WASHC5: variants seen among roughly 807,000 people sequenced by gnomAD.
WASHC5 encodes the protein WASH complex subunit strumpellin.
In WASHC5, 101 loss-of-function variants were observed where a neutral mutation model predicts 150.4. That is an observed-to-expected ratio of 0.67 (90% CI 0.57 to 0.79). The LOEUF is 0.79. Ranked by LOEUF, WASHC5 falls within the 30% of genes least tolerant of loss-of-function variation. The probability of loss-of-function intolerance (pLI) is 0.00; values close to 1 mark genes in which losing one functional copy is unlikely to be tolerated. For missense variants in WASHC5, 1,195 were observed against 1,396.3 expected (o/e 0.86, Z 2.30); for synonymous variants, 467 against 491.2 (o/e 0.95, Z 0.65).
At chr8:125,058,816 G>A (rs1389046272) in intron 14 of WASHC5, among the ~76,000 whole-genome samples, 1 of 152,078 alleles carries the variant, frequency 6.6e-6, no homozygotes, top group African/African-American at 2.4e-5. Context: ...TGTGCCTGTT[G>A]TTCACCAATA....
At chr8:125,028,384 G>A (rs962374512) in intron 28 of WASHC5, among the ~76,000 whole-genome samples, 2 of 152,172 alleles carry the variant, frequency 1.3e-5, no homozygotes, top group Non-Finnish European at 2.9e-5. Context: ...TTGCTGACAG[G>A]AGTACATGGT....
At chr8:125,042,514 C>T (rs932719117) in intron 23 of WASHC5, among the ~76,000 whole-genome samples, 5 of 152,124 alleles carry the variant, frequency 3.3e-5, no homozygotes, top group South Asian at 2.1e-4. Context: ...ATCACTGACT[C>T]GGTCACAGTC....
intron 25 of WASHC5, among the ~76,000 whole-genome samples, chr8:125,037,656 G>T (rs556629625): frequency 6.6e-6 from 1 of 152,270 alleles, no homozygotes; most frequent in Admixed American, 6.5e-5. Context: ...AAGGCAAAAT[G>T]AAGAGCAGTT....
intron 11 of WASHC5, among the ~76,000 whole-genome samples, 159 bp downstream of exon 11, chr8:125,063,363 C>A (rs1197719373): frequency 6.6e-6 from 1 of 152,136 alleles, no homozygotes; most frequent in East Asian, 1.9e-4. Context: ...TAGACGCAGC[C>A]AAAACTAACC....
rs772529893 is a variant in WASHC5, at chr8:125,076,343, C to G, written c.864+5G>C. On this transcript the variant is annotated splice_donor_5th_base_variant and intron_variant, in intron 7 of 28. Coordinates refer to ENST00000318410, the MANE Select transcript of WASHC5 (RefSeq NM_014846.4). Reference sequence around the variant, plus strand: ...CTGTAGAGGAAAAAAATTAGCAATACTTGCCCAATTATCTGGAAAGTATTT... The same window carrying G: ...CTGTAGAGGAAAAAAATTAGCAATAGTTGCCCAATTATCTGGAAAGTATTT... 1.4e-5 allele frequency: 22 copies of G among 1,613,604 alleles called. No homozygotes were observed. Among genetic ancestry groups the G allele is most frequent in the Non-Finnish European group, 1.9e-5 (22 of 1,179,752 alleles).
rs368495548 is a variant in WASHC5, at chr8:125,073,194, T to C, written c.1109A>G (p.Asn370Ser). 43 of 1,614,036 alleles carry C rather than the reference T, an allele frequency of 2.7e-5. No homozygotes were observed. Among genetic ancestry groups the C allele is most frequent in the South Asian group, 1.4e-4 (13 of 91,090 alleles). The part of the protein sequence containing the change: ...PKLLNCLRDC[N>S]VAIRWLMLHT... ...AAGCATCAGCCATCGGATGGCAACATTGCAGTCTCTCAGGCAGTTCAGAAG... is the reference window on the plus strand; with the variant it reads ...AAGCATCAGCCATCGGATGGCAACACTGCAGTCTCTCAGGCAGTTCAGAAG... The change falls in exon 9 of 29, where the codon AAT (asparagine) becomes AGT (serine). Residue 370 changes from asparagine to serine, a missense_variant. Around this residue, in one of 3 missense-constraint regions of WASHC5, gnomAD observed 997 missense variants for 1,168.1 expected, o/e 0.85. Transcript: ENST00000318410.
At chr8:125,081,878 C>T (rs1444416902) in intron 4 of WASHC5, 117 bp from the exon 5 acceptor site, 71 of 730,380 alleles carry the variant, frequency 9.7e-5, no homozygotes, top group Non-Finnish European at 1.7e-4. Context: ...TTTTAGATTT[C>T]AAGGAAAAGG....
rs76692062 is a variant in WASHC5, at chr8:125,088,734, G to T, written c.-125+2881C>A. Among the ~76,000 whole-genome samples the T allele has an allele frequency of 1.1e-4, 16 of 152,242 alleles. No homozygotes were observed. The East Asian group carries it at 3.1e-3, about 29-fold the overall frequency. Reference sequence around the variant, plus strand: ...ACTGCAATGTTCTAAAAGCCCCAGAGCCAAAGGCAGCCAGCTATGCCCTAC... The same window carrying T: ...ACTGCAATGTTCTAAAAGCCCCAGATCCAAAGGCAGCCAGCTATGCCCTAC... On this transcript the variant is annotated intron_variant, in intron 1 of 28. Transcript: ENST00000318410.
chr8:125,049,108 CTGTATGTATTCAAAAGA>C lies in WASHC5; in HGVS notation c.2260_2276del (p.Ser754GlyfsTer28). 1 of 1,613,844 alleles carries C rather than the reference CTGTATGTATTCAAAAGA, an allele frequency of 6.2e-7. No homozygotes were observed. The highest frequency in any genetic ancestry group is 8.5e-7 in the Non-Finnish European group (1 of 1,179,854). On this transcript the variant is annotated frameshift_variant, in exon 19 of 29. Transcript: ENST00000318410. LOFTEE classifies it high-confidence loss of function. ...TCAGACCATAAATGTTGACATAGTC[CTGTATGTATTCAAAAGA>C]ACGATGGAATCCATCCATGGTCGCT...
At chr8:125,058,719 T>C (rs2130094822) in intron 14 of WASHC5, among the ~76,000 whole-genome samples, 1 of 146,018 alleles carries the variant, frequency 6.8e-6, no homozygotes, top group East Asian at 2.0e-4. Context: ...CGAGATTCCA[T>C]CTCAAAAAAA....
At chr8:125,049,219 T>A in intron 18 of WASHC5, 34 bp from the exon 19 acceptor site, 1 of 1,604,956 alleles carries the variant, frequency 6.2e-7, no homozygotes, top group Admixed American at 1.7e-5. Context: ...GCTCTTACAC[T>A]GGAGTAGATT....
intron 24 of WASHC5, 100 bp from the exon 25 acceptor site, chr8:125,039,059 C>A (rs1815805100): frequency 7.7e-7 from 1 of 1,291,406 alleles, no homozygotes; most frequent in Non-Finnish European, 1.1e-6. Flanking sequence ...GCCTCAGTTT[C>A]CTCATCTGTA....
chr8:125,061,924 T>A (rs1816606690), intron 11 of WASHC5, among the ~76,000 whole-genome samples: 2 of 152,138 alleles, frequency 1.3e-5, no homozygotes, highest in Admixed American at 1.3e-4. Flanking sequence ...GGTGACACGG[T>A]GACTAAATGG....
Position 125,044,099 on chromosome 8 carries a change from A to G in WASHC5, c.2668-5T>C, listed in dbSNP as rs768752924. 3 of 1,574,832 alleles carry G rather than the reference A, an allele frequency of 1.9e-6. No individual in the cohort carries two copies. The highest frequency in any genetic ancestry group is 2.7e-5 in the African/African-American group (2 of 74,164). On this transcript the variant is annotated splice_polypyrimidine_tract_variant and splice_region_variant and intron_variant, in intron 21 of 28. Transcript: ENST00000318410. ...CTGAAACATACTGAGGAAATTCTAA[A>G]AACAAGAAGGCACGGTCAAAGAACC...
chr8:125,034,675 C>T (rs1292480300), intron 26 of WASHC5, among the ~76,000 whole-genome samples: 1 of 152,148 alleles, frequency 6.6e-6, no homozygotes, highest in African/African-American at 2.4e-5. Context: ...CCTCAGGTCC[C>T]ATATTTGACT....
At chr8:125,089,356 C>A (rs1328818929) in intron 1 of WASHC5, among the ~76,000 whole-genome samples, 1 of 152,036 alleles carries the variant, frequency 6.6e-6, no homozygotes, top group Admixed American at 6.6e-5. Flanking sequence ...TGTCTTGAGC[C>A]ACACATAAAA....
chr8:125,075,189 G>A, intron 7 of WASHC5, 78 bp from the exon 8 acceptor site: 1 of 879,436 alleles, frequency 1.1e-6, no homozygotes, highest in Non-Finnish European at 1.9e-6. Context: ...AGTTATAGAA[G>A]GCAATACCCA....
intron 10 of WASHC5, among the ~76,000 whole-genome samples, chr8:125,065,766 G>A (rs966915958): frequency 2.6e-5 from 4 of 151,894 alleles, no homozygotes; most frequent in African/African-American, 7.3e-5. Context: ...ACAGGCACGC[G>A]CCACTGCACC....
intron 17 of WASHC5, among the ~76,000 whole-genome samples, chr8:125,054,945 ATT>A (rs34923893): frequency 0.11 from 16,400 of 146,284 alleles, 2,073 homozygotes; most frequent in African/African-American, 0.31. Flanking sequence ...AGGAAATTGA[ATT>A]TTTTTTTTTT....
Sources: allele counts gnomAD v4.1 joint callset (sites outside exome capture counted in the v4.1 genomes callset), GRCh38; gene constraint gnomAD v4.1.1; regional missense constraint gnomAD v4.1.1; transcripts MANE v1.5; gene names NCBI Gene and HGNC (gene_info 2026-07-23, HGNC 2026-07-21).